The following NFAM1 variants were observed in gnomAD, a reference collection of about 807,000 sequenced individuals.
NFAM1 encodes the protein NFAT activating protein with ITAM motif 1.
Under a neutral mutation model 29.0 loss-of-function variants are expected in NFAM1, and 17 were observed. The observed-to-expected ratio is 0.59, with a 90% confidence interval of 0.40 to 0.88. The LOEUF (loss-of-function observed/expected upper bound fraction) is 0.88. NFAM1 is among the 40% of genes least tolerant of loss of function. NFAM1 has a pLI of 0.00. For missense variants in NFAM1, 324 were observed against 344.6 expected (o/e 0.94, Z 0.47); for synonymous variants, 175 against 147.2 (o/e 1.19, Z -1.36).
intron 3 of NFAM1, among the ~76,000 whole-genome samples, chr22:42,398,607 T>G (rs938619789): frequency 2.6e-5 from 4 of 151,886 alleles, no homozygotes; most frequent in African/African-American, 9.7e-5. Context: ...AGAGATGAGG[T>G]GTCACCATGT....
rs1473278230 is a variant in NFAM1 at position 42,388,542 on chromosome 22, G to A, written c.664-1464C>T. 6.6e-6 allele frequency among the ~76,000 whole-genome samples: 1 copy of A among 152,112 alleles called. No individual in the cohort carries two copies. The highest frequency in any genetic ancestry group is 2.4e-5 in the African/African-American group (1 of 41,408). The stretch of plus-strand genomic sequence containing the variant: ...TGAGTGTACGTGTCATATGGATGCC[G>A]GCTGGTTGCCAAGGAGGCGGTTTCC... On this transcript the variant is annotated intron_variant, in intron 4 of 5. Transcript: ENST00000329021. This position sits in a 1 kb window ranked among gnomAD's most constrained non-coding sequence, Gnocchi z 4.1.
chr22:42,408,988 G>A (rs1187919715), intron 3 of NFAM1, among the ~76,000 whole-genome samples: 1 of 152,262 alleles, frequency 6.6e-6, no homozygotes, highest in East Asian at 1.9e-4. Flanking sequence ...GTGTGGGAGG[G>A]TGTGTGGGAG....
chr22:42,391,156 G>A (rs1394991297), intron 4 of NFAM1, among the ~76,000 whole-genome samples: 5 of 152,140 alleles, frequency 3.3e-5, no homozygotes, highest in East Asian at 1.9e-4. Context: ...GACCTGCTCC[G>A]CGGAGGGGCT....
intron 1 of NFAM1, among the ~76,000 whole-genome samples, chr22:42,430,572 A>AC (rs1930764888): frequency 6.6e-6 from 1 of 151,720 alleles, no homozygotes; most frequent in South Asian, 2.1e-4. Flanking sequence ...AAAAAAAAAA[A>AC]AAAAAAATCA....
intron 3 of NFAM1, among the ~76,000 whole-genome samples, chr22:42,403,116 C>T (rs575977090): frequency 2.0e-5 from 3 of 151,590 alleles, no homozygotes; most frequent in Admixed American, 6.6e-5. Flanking sequence ...GGATTATAGT[C>T]GTGAGCCACC....
chr22:42,424,735 G>T (rs918630703), intron 1 of NFAM1, among the ~76,000 whole-genome samples: 4 of 151,994 alleles, frequency 2.6e-5, no homozygotes, highest in Non-Finnish European at 4.4e-5. Flanking sequence ...GGAATGATTT[G>T]TGTCTGGGAG....
rs565199100 is a variant in NFAM1 at position 42,419,980 on chromosome 22, C to G, written c.122-8244G>C. On this transcript the variant is annotated intron_variant, in intron 1 of 5. Coordinates refer to ENST00000329021, the MANE Select transcript of NFAM1 (RefSeq NM_145912.8). This position sits in a 1 kb window ranked among gnomAD's most constrained non-coding sequence, Gnocchi z 4.5. ...AGCTGGGTCCCTTTGAGTCTGTAAT[C>G]CCACTCTTGGTTTTTTTTTTTTTTT... Among the ~76,000 whole-genome samples the G allele has an allele frequency of 7.4e-6, 1 of 135,244 alleles. No homozygotes were observed. The highest frequency in any genetic ancestry group is 1.5e-5 in the Non-Finnish European group (1 of 65,008). 88.7% of individuals were successfully genotyped at this position (135,244 alleles called of 152,430 possible). A position where few individuals can be genotyped will look rare whatever the true frequency, so the allele number is the denominator to read the frequency against.
chr22:42,403,964 G>A, intron 3 of NFAM1, among the ~76,000 whole-genome samples: 1 of 152,190 alleles, frequency 6.6e-6, no homozygotes, highest in African/African-American at 2.4e-5. Context: ...AGAGAACAAG[G>A]AGGGCCTGGG....
chr22:42,427,490 C>T (rs113060894), intron 1 of NFAM1, among the ~76,000 whole-genome samples: 1,840 of 152,304 alleles, frequency 0.012, 38 homozygotes, highest in African/African-American at 0.042. Flanking sequence ...GGGTGCTGGT[C>T]CCGTGCTGGG....
chr22:42,403,822 G>C (rs1929805449), intron 3 of NFAM1, among the ~76,000 whole-genome samples: 1 of 152,180 alleles, frequency 6.6e-6, no homozygotes, highest in Non-Finnish European at 1.5e-5. Flanking sequence ...AGATGACGAG[G>C]GCAGAGGCAA....
the NFAM1 span, among the ~76,000 whole-genome samples, chr22:42,437,572 C>A: frequency 6.6e-6 from 1 of 152,202 alleles, no homozygotes; most frequent in African/African-American, 2.4e-5. Context: ...GACGCCAGAG[C>A]CACCAAGTCC....
intron 3 of NFAM1, among the ~76,000 whole-genome samples, chr22:42,403,426 C>T (rs183925905): frequency 4.5e-4 from 68 of 152,368 alleles, no homozygotes; most frequent in African/African-American, 1.5e-3. Flanking sequence ...TCAGCTCTGT[C>T]GCCCAGGCTG....
intron 3 of NFAM1, among the ~76,000 whole-genome samples, chr22:42,398,559 T>C (rs537985729): frequency 6.6e-6 from 1 of 152,038 alleles, no homozygotes; most frequent in Admixed American, 6.6e-5. Flanking sequence ...ACTACGGGCA[T>C]GTGTGCCACC....
intron 3 of NFAM1, among the ~76,000 whole-genome samples, chr22:42,402,844 T>TTTC (rs1181413416): frequency 6.8e-6 from 1 of 147,068 alleles, no homozygotes; most frequent in African/African-American, 2.6e-5. Context: ...TTTTTTTTTT[T>TTTC]TTTTTTTTTG....
intron 1 of NFAM1, among the ~76,000 whole-genome samples, chr22:42,430,137 G>A (rs367961384): frequency 6.6e-5 from 10 of 152,014 alleles, no homozygotes; most frequent in Non-Finnish European, 1.0e-4. Context: ...GGTGGCACAC[G>A]CTGTGGTTCC....
chr22:42,419,374 A>T lies in NFAM1; in HGVS notation c.122-7638T>A, dbSNP rs1930360457. Among the ~76,000 whole-genome samples, 1 of 152,088 alleles carries T rather than the reference A, an allele frequency of 6.6e-6. No homozygotes were observed. Among genetic ancestry groups the T allele is most frequent in the African/African-American group, 2.4e-5 (1 of 41,402 alleles). On this transcript the variant is annotated intron_variant, in intron 1 of 5. Transcript: ENST00000329021. The surrounding 1 kb of genome is among the most constrained non-coding windows in gnomAD (Gnocchi z 4.5). ...GAGGAGACCCAGGAAGGAGTCTGAA[A>T]TCAATTTACGGGGTCAAGACAAGCA...
chr22:42,416,945 G>A (rs1304080637), intron 1 of NFAM1, among the ~76,000 whole-genome samples: 1 of 152,116 alleles, frequency 6.6e-6, no homozygotes, highest in Non-Finnish European at 1.5e-5. Context: ...GACGCCGGGG[G>A]CTGAGGAGGG....
chr22:42,413,701 G>A (rs1319398433), intron 1 of NFAM1, among the ~76,000 whole-genome samples: 1 of 152,146 alleles, frequency 6.6e-6, no homozygotes, highest in Non-Finnish European at 1.5e-5. Flanking sequence ...CCAGGCATTT[G>A]AGACCAGCCT....
chr22:42,420,154 G>C (rs1002220842), intron 1 of NFAM1, among the ~76,000 whole-genome samples: 3 of 151,762 alleles, frequency 2.0e-5, no homozygotes, highest in African/African-American at 7.3e-5. Flanking sequence ...AGGATTACAG[G>C]CATGCGCCAC....
Sources: allele counts gnomAD v4.1 joint callset (sites outside exome capture counted in the v4.1 genomes callset), GRCh38; gene constraint gnomAD v4.1.1; non-coding constraint Gnocchi (gnomAD v3.1); transcripts MANE v1.5; gene names NCBI Gene and HGNC (gene_info 2026-07-23, HGNC 2026-07-21).